CCDC158: variants seen among roughly 807,000 people sequenced by gnomAD.
CCDC158 encodes the protein coiled-coil domain containing 158, also known as coiled-coil domain-containing protein 158.
Under a neutral mutation model 138.6 loss-of-function variants are expected in CCDC158, and 116 were observed. That is an observed-to-expected ratio of 0.84 (90% CI 0.72 to 0.98). CCDC158 has a LOEUF of 0.98. Among genes scored for constraint, CCDC158 ranks in the 50% least tolerant of loss-of-function variants. The pLI, the probability that CCDC158 is intolerant of heterozygous loss-of-function variation, is 0.00. For synonymous variants in CCDC158, 436 were observed against 442.4 expected (o/e 0.99, Z 0.18); for missense variants, 1,265 against 1,306.1 (o/e 0.97, Z 0.48).
At chr4:76,366,483 G>A (rs1724676800) in intron 12 of CCDC158, among the ~76,000 whole-genome samples, 1 of 152,166 alleles carries the variant, frequency 6.6e-6, no homozygotes, top group African/African-American at 2.4e-5. Flanking sequence ...ATTAAATTGT[G>A]TTAAATTTTG....
intron 1 of CCDC158, among the ~76,000 whole-genome samples, chr4:76,418,378 T>C (rs1231485897): frequency 2.0e-5 from 3 of 152,192 alleles, no homozygotes; most frequent in African/African-American, 7.2e-5. Context: ...TTATTAAAAA[T>C]CACTGGACTG....
intron 18 of CCDC158, among the ~76,000 whole-genome samples, chr4:76,347,991 C>T (rs888754135): frequency 1.3e-5 from 2 of 152,058 alleles, no homozygotes; most frequent in Non-Finnish European, 2.9e-5. Flanking sequence ...ATTTACTGTT[C>T]ACAGTTCAGG....
intron 4 of CCDC158, among the ~76,000 whole-genome samples, chr4:76,389,804 T>C (rs1727148605): frequency 6.6e-6 from 1 of 152,074 alleles, no homozygotes; most frequent in Admixed American, 6.5e-5. Flanking sequence ...GAGAGTGGCA[T>C]GACATATTTA....
intron 8 of CCDC158, among the ~76,000 whole-genome samples, chr4:76,380,793 G>A (rs1377216076): frequency 6.6e-6 from 1 of 152,208 alleles, no homozygotes; most frequent in Non-Finnish European, 1.5e-5. Context: ...CAGGCCTTGT[G>A]ACTTAGGAGG....
chr4:76,319,005 G>T (rs1719682617), intron 24 of CCDC158, among the ~76,000 whole-genome samples: 1 of 152,116 alleles, frequency 6.6e-6, no homozygotes, highest in African/African-American at 2.4e-5. Flanking sequence ...AGGCGCGGTG[G>T]CTTACGCCTG....
intron 8 of CCDC158, among the ~76,000 whole-genome samples, 162 bp downstream of exon 8, chr4:76,382,447 AC>A (rs1351734236): frequency 1.4e-4 from 22 of 151,868 alleles, no homozygotes; most frequent in African/African-American, 5.1e-4. Context: ...AGATAACAGT[AC>A]CTATGTTACA....
intron 14 of CCDC158, among the ~76,000 whole-genome samples, chr4:76,356,127 G>A (rs1490507772): frequency 6.6e-6 from 1 of 152,006 alleles, no homozygotes; most frequent in East Asian, 1.9e-4. Context: ...CTATAACTTA[G>A]AGGTTAAAAA....
intron 12 of CCDC158, among the ~76,000 whole-genome samples, chr4:76,363,614 G>C (rs1055449640): frequency 6.6e-6 from 1 of 152,118 alleles, no homozygotes; most frequent in Non-Finnish European, 1.5e-5. Flanking sequence ...AGTCTGGGAA[G>C]AGCTCTGTGT....
chr4:76,357,243 C>T, intron 14 of CCDC158, 131 bp downstream of exon 14: 1 of 503,066 alleles, frequency 2.0e-6, no homozygotes. Context: ...TTAATACCTA[C>T]TATTGTATAT....
chr4:76,337,094 C>T (rs1386433130), intron 18 of CCDC158, among the ~76,000 whole-genome samples: 1 of 152,154 alleles, frequency 6.6e-6, no homozygotes, highest in African/African-American at 2.4e-5. Flanking sequence ...GATCATTCTG[C>T]CTCAGTCTCC....
chr4:76,323,600 A>T (rs1285740384), intron 23 of CCDC158, among the ~76,000 whole-genome samples, 191 bp from the exon 24 acceptor site: 1 of 152,260 alleles, frequency 6.6e-6, no homozygotes, highest in Non-Finnish European at 1.5e-5. Context: ...AATGAGTTTT[A>T]TCTAAATATT....
chr4:76,377,560 C>T (rs930146152), intron 9 of CCDC158, among the ~76,000 whole-genome samples: 35 of 152,274 alleles, frequency 2.3e-4, no homozygotes, highest in Non-Finnish European at 2.8e-4. Context: ...GCGGTCATGA[C>T]CTTTTGGTAT....
At chr4:76,389,291 AATATT>A (rs1483223819) in intron 4 of CCDC158, among the ~76,000 whole-genome samples, 2 of 152,086 alleles carry the variant, frequency 1.3e-5, no homozygotes, top group African/African-American at 4.8e-5. Context: ...ATCAAGCAGA[AATATT>A]AGAATTGAAA....
chr4:76,322,602 A>G (rs1323547679), intron 24 of CCDC158, among the ~76,000 whole-genome samples: 2 of 152,136 alleles, frequency 1.3e-5, no homozygotes, highest in African/African-American at 4.8e-5. Context: ...TTACCCAGCA[A>G]TTTATTGTTT....
At chr4:76,410,887 C>T (rs1729240386) in intron 2 of CCDC158, among the ~76,000 whole-genome samples, 1 of 152,200 alleles carries the variant, frequency 6.6e-6, no homozygotes, top group Non-Finnish European at 1.5e-5. Context: ...GATCTACTAG[C>T]TGTGCCACCT....
intron 24 of CCDC158, among the ~76,000 whole-genome samples, chr4:76,320,677 A>C (rs572077336): frequency 6.6e-6 from 1 of 152,342 alleles, no homozygotes; most frequent in East Asian, 1.9e-4. Context: ...GCAAACAAAA[A>C]CATAAAGTGG....
chr4:76,408,310 A>G (rs573756167), intron 2 of CCDC158, among the ~76,000 whole-genome samples: 11 of 151,950 alleles, frequency 7.2e-5, no homozygotes, highest in Non-Finnish European at 1.6e-4. Flanking sequence ...TACATTAGGT[A>G]TATCTCCTAA....
In CCDC158 at chr4:76,367,370, G is replaced by T; in HGVS notation, c.1754C>A (p.Ala585Asp). The T allele has an allele frequency of 6.2e-7, 1 of 1,614,154 alleles. No homozygotes were observed. Among genetic ancestry groups the T allele is most frequent in the Non-Finnish European group, 8.5e-7 (1 of 1,180,044 alleles). The change falls in exon 12 of 25, where the codon GCT (alanine) becomes GAT (aspartate). Residue 585 changes from alanine to aspartate, a missense_variant. By Grantham distance (126) the Ala-to-Asp change is moderately radical. Transcript: ENST00000682701. The part of the protein sequence containing the change: ...TQLVGQHGRT[A>D]GAMQVEKAQL... ...AGCTTTTTCTACTTGCATAGCTCCA[G>T]CAGTTCGTCCATGCTGGCCCACCAG... is the stretch of plus-strand genomic sequence containing the variant.
chr4:76,385,524 G>C (rs28479143), intron 4 of CCDC158, among the ~76,000 whole-genome samples: 4,482 of 152,152 alleles, frequency 0.029, 221 homozygotes, highest in African/African-American at 0.1. Flanking sequence ...TGGTTGTAAA[G>C]AAAAAAGTTC....
Sources: allele counts gnomAD v4.1 joint callset (sites outside exome capture counted in the v4.1 genomes callset), GRCh38; gene constraint gnomAD v4.1.1; transcripts MANE v1.5; gene names NCBI Gene and HGNC (gene_info 2026-07-23, HGNC 2026-07-21).